PPP2R2D: variants seen among roughly 807,000 people sequenced by gnomAD.
The protein encoded by PPP2R2D is protein phosphatase 2 regulatory subunit Bdelta.
Under a neutral mutation model 31.1 loss-of-function variants are expected in PPP2R2D, and 9 were observed. The ratio of observed to expected loss-of-function variants is 0.29; its 90% confidence interval spans 0.17 to 0.51. PPP2R2D has a LOEUF of 0.51. Among genes scored for constraint, PPP2R2D ranks in the 20% least tolerant of loss-of-function variants. PPP2R2D has a pLI of 0.98. For synonymous variants in PPP2R2D, 179 were observed against 172.6 expected (o/e 1.04, Z -0.29); for missense variants, 391 against 465.6 (o/e 0.84, Z 1.48).
chr10:131,937,933 C>T (rs1167734654), intron 3 of PPP2R2D, among the ~76,000 whole-genome samples: 2 of 152,056 alleles, frequency 1.3e-5, no homozygotes, highest in Non-Finnish European at 1.5e-5. Flanking sequence ...GCAAGGCGCT[C>T]AGCTCCTGCC....
the PPP2R2D span, chr10:131,967,412 A>G: frequency 6.6e-6 from 1 of 152,252 alleles, no homozygotes; most frequent in African/African-American, 2.4e-5. Flanking sequence ...AAGTTAAATT[A>G]TATAAAGGAA....
intron 2 of PPP2R2D, among the ~76,000 whole-genome samples, chr10:131,916,094 T>G (rs1444540489): frequency 6.6e-6 from 1 of 152,152 alleles, no homozygotes; most frequent in Non-Finnish European, 1.5e-5. Flanking sequence ...ACCATAGAAA[T>G]CCATTAAATG....
At chr10:131,936,063 C>CA (rs879958815) in intron 3 of PPP2R2D, among the ~76,000 whole-genome samples, 187 of 139,050 alleles carry the variant, frequency 1.3e-3, no homozygotes, top group Admixed American at 5.5e-3. Context: ...GACTTCATCT[C>CA]AAAAAAAAAA....
At chr10:131,963,494 C>T (rs2120124055), downstream of PPP2R2D, among the ~76,000 whole-genome samples, 1 of 152,354 alleles carries the variant, frequency 6.6e-6, no homozygotes, top group Non-Finnish European at 1.5e-5. Context: ...CGTTTCTACA[C>T]ATCGGGTAGC....
At chr10:131,950,386 A>G (rs190125349) in intron 8 of PPP2R2D, among the ~76,000 whole-genome samples, 32 of 152,246 alleles carry the variant, frequency 2.1e-4, no homozygotes, top group African/African-American at 6.7e-4. Context: ...CGCAAAGAGA[A>G]TATCTTAAAT....
intron 3 of PPP2R2D, among the ~76,000 whole-genome samples, chr10:131,937,470 T>C (rs1027855099): frequency 3.9e-5 from 6 of 152,222 alleles, no homozygotes; most frequent in Admixed American, 6.5e-5. Flanking sequence ...CTCCTGCCCG[T>C]GTCCCCATGA....
Position 131,945,338 on chromosome 10 carries a change from A to G in PPP2R2D, c.699A>G (p.Glu233=). 6.2e-7 allele frequency: 1 copy of G among 1,614,186 alleles called. No homozygotes were observed. The highest frequency in any genetic ancestry group is 8.5e-7 in the Non-Finnish European group (1 of 1,180,030). ...CTGCTAACATGGAGGAGCTGACCGAAGTCATCACTGCAGCCGAGTTCCACC... is the reference window on the plus strand; with the variant it reads ...CTGCTAACATGGAGGAGCTGACCGAGGTCATCACTGCAGCCGAGTTCCACC... ...IKPANMEELT[E]VITAAEFHPH... Residue 233 remains glutamate (E), a synonymous_variant, in exon 7 of 9, where the codon GAA becomes GAG. Transcript: ENST00000455566. The surrounding 1 kb of genome is among the most constrained non-coding windows in gnomAD (Gnocchi z 4.8).
At chr10:131,939,884 T>TC in intron 3 of PPP2R2D, 147 bp from the exon 4 acceptor site, 5 of 390,568 alleles carry the variant, frequency 1.3e-5, no homozygotes. Context: ...TTTTTTTTTT[T>TC]CCCTGAGTTT....
downstream of PPP2R2D, among the ~76,000 whole-genome samples, chr10:131,961,827 C>T (rs2036924025): frequency 7.1e-6 from 1 of 140,976 alleles, no homozygotes; most frequent in Admixed American, 7.0e-5. Flanking sequence ...TGATGTCCTC[C>T]AGGGTTTTTT....
chr10:131,908,969 G>GT (rs1469093842), intron 2 of PPP2R2D, among the ~76,000 whole-genome samples: 1 of 152,234 alleles, frequency 6.6e-6, no homozygotes, highest in East Asian at 1.9e-4. Context: ...AGGAAACGCT[G>GT]TTTGGACACA....
At chr10:131,937,038 C>G (rs1554896613) in intron 3 of PPP2R2D, among the ~76,000 whole-genome samples, 1 of 152,214 alleles carries the variant, frequency 6.6e-6, no homozygotes, top group Non-Finnish European at 1.5e-5. Flanking sequence ...GCGACCCCAG[C>G]TCCCAGTTAG....
chr10:131,962,332 C>T (rs1357585020), downstream of PPP2R2D, among the ~76,000 whole-genome samples: 1 of 152,130 alleles, frequency 6.6e-6, no homozygotes, highest in East Asian at 1.9e-4. Context: ...CTCTCCAGCT[C>T]CACGCGGTCA....
intron 2 of PPP2R2D, among the ~76,000 whole-genome samples, chr10:131,918,678 G>A (rs2035882861): frequency 6.8e-6 from 1 of 146,540 alleles, no homozygotes; most frequent in African/African-American, 2.5e-5. Context: ...GGATGACACA[G>A]TGTAGGGACC....
At position 131,939,541 on chromosome 10, in the gene PPP2R2D, G is replaced by A. The variant is rs2036401959; in HGVS notation, c.199-490G>A. Among the ~76,000 whole-genome samples, 2 of 133,406 alleles carry A rather than the reference G, an allele frequency of 1.5e-5. 1 individual carries two copies. Among genetic ancestry groups the A allele is most frequent in the Non-Finnish European group, 3.2e-5 (2 of 61,656 alleles). 87.5% of individuals were successfully genotyped at this position (133,406 alleles called of 152,430 possible). ...ACGGCAGGCTGCATTCGGCAGACCT[G>A]CTCCAGAAAATACGGCAGGCTGTAT... On this transcript the variant is annotated intron_variant, in intron 3 of 8. Coordinates refer to ENST00000455566, the MANE Select transcript of PPP2R2D (RefSeq NM_018461.5).
rs78113592 is a variant in PPP2R2D at position 131,932,125 on chromosome 10, G to C, written c.101-2333G>C. On this transcript the variant is annotated intron_variant, in intron 2 of 8. Coordinates refer to ENST00000455566, the MANE Select transcript of PPP2R2D (RefSeq NM_018461.5). The stretch of plus-strand genomic sequence containing the variant: ...TTCGGCGGGAGGTCTGAGAGGACTC[G>C]GGGTGGCTGCGGACACTTTGCGGAT... Among the ~76,000 whole-genome samples, 725 of 152,324 alleles carry C rather than the reference G, an allele frequency of 4.8e-3. 3 individuals carry two copies. Among genetic ancestry groups the C allele is most frequent in the African/African-American group, 0.017 (694 of 41,564 alleles).
intron 2 of PPP2R2D, among the ~76,000 whole-genome samples, chr10:131,926,184 C>T (rs2036101468): frequency 6.6e-6 from 1 of 152,114 alleles, no homozygotes; most frequent in African/African-American, 2.4e-5. Context: ...ATTATAGTGT[C>T]TCTAGAGTCT....
intron 2 of PPP2R2D, among the ~76,000 whole-genome samples, chr10:131,927,747 T>G (rs1348802793): frequency 6.6e-6 from 1 of 152,222 alleles, no homozygotes; most frequent in Non-Finnish European, 1.5e-5. Flanking sequence ...CTGCAGTGTT[T>G]GGCTTTCTGT....
downstream of PPP2R2D, among the ~76,000 whole-genome samples, chr10:131,963,549 G>A (rs2036947363): frequency 6.6e-6 from 1 of 152,210 alleles, no homozygotes; most frequent in East Asian, 1.9e-4. Context: ...CACTGCGCGC[G>A]TCTGGGCGGG....
chr10:131,928,668 G>C (rs1554895263), intron 2 of PPP2R2D, among the ~76,000 whole-genome samples: 1 of 152,228 alleles, frequency 6.6e-6, no homozygotes, highest in Non-Finnish European at 1.5e-5. Context: ...AGAGGTGGTG[G>C]GTGCCGTGGG....
Sources: gnomAD v4.1 joint callset for allele counts (sites outside exome capture counted in the v4.1 genomes callset) on GRCh38, gnomAD v4.1.1 for gene constraint, Gnocchi (gnomAD v3.1) non-coding constraint, MANE v1.5 for transcripts, NCBI Gene and HGNC (gene_info 2026-07-23, HGNC 2026-07-21) for gene names.